KHDRBS2: variants seen among roughly 807,000 people sequenced by gnomAD.
KHDRBS2 encodes KH domain-containing, RNA-binding, signal transduction-associated protein 2.
KHDRBS2 carries 26 observed loss-of-function variants against 44.3 expected under a neutral mutation model. The ratio of observed to expected loss-of-function variants is 0.59; its 90% CI spans 0.43 to 0.81. KHDRBS2 has a LOEUF of 0.81. KHDRBS2 is among the 40% of genes least tolerant of loss of function. KHDRBS2 has a pLI of 0.00. For synonymous variants in KHDRBS2, 194 were observed against 151.1 expected (o/e 1.28, Z -2.08); for missense variants, 476 against 433.1 (o/e 1.10, Z -0.88).
At chr6:62,240,643 T>C (rs1466318673) in intron 1 of KHDRBS2, among the ~76,000 whole-genome samples, 4 of 122,082 alleles carry the variant, frequency 3.3e-5, no homozygotes, top group Non-Finnish European at 5.0e-5. Flanking sequence ...CATATATGTG[T>C]GTGTGTATGT....
intron 6 of KHDRBS2, among the ~76,000 whole-genome samples, chr6:61,775,155 G>A (rs1481163742): frequency 6.6e-6 from 1 of 152,010 alleles, no homozygotes; most frequent in African/African-American, 2.4e-5. Context: ...AATAATAAGA[G>A]CTATCTATGA....
chr6:61,894,280 A>G (rs1205770253), intron 6 of KHDRBS2, among the ~76,000 whole-genome samples: 3 of 152,164 alleles, frequency 2.0e-5, no homozygotes, highest in Non-Finnish European at 2.9e-5. Flanking sequence ...TTTGTTAAAT[A>G]TTTCTGAGTT....
chr6:62,205,121 C>A (rs1359239409), intron 1 of KHDRBS2, among the ~76,000 whole-genome samples: 2 of 152,190 alleles, frequency 1.3e-5, no homozygotes, highest in South Asian at 2.1e-4. Context: ...TAAGCCACTG[C>A]ATGGTCAGGA....
At chr6:61,876,444 T>C (rs1456980881) in intron 6 of KHDRBS2, among the ~76,000 whole-genome samples, 1 of 151,996 alleles carries the variant, frequency 6.6e-6, no homozygotes, top group Non-Finnish European at 1.5e-5. Flanking sequence ...CACAGAAGAA[T>C]TTATCATCAG....
chr6:62,066,645 A>G lies in KHDRBS2; in HGVS notation c.220-18651T>C, dbSNP rs561226554. On this transcript the variant is annotated intron_variant, in intron 2 of 8. Transcript: ENST00000281156. ...CTATATAATTTCATGAAATAAATAT[A>G]TATGCTTATGTTTGATAAGGACAAA... Among the ~76,000 whole-genome samples the G allele has an allele frequency of 4.5e-4, 69 of 151,822 alleles. 1 individual carries two copies. Among genetic ancestry groups the G allele is most frequent in the South Asian group, 1.9e-3 (9 of 4,826 alleles).
chr6:61,887,311 C>T (rs1801108499), intron 6 of KHDRBS2, among the ~76,000 whole-genome samples: 1 of 152,074 alleles, frequency 6.6e-6, no homozygotes, highest in African/African-American at 2.4e-5. Flanking sequence ...ACTGGTAGAG[C>T]TGATAATGCT....
chr6:62,232,755 G>C (rs749995635), intron 1 of KHDRBS2, among the ~76,000 whole-genome samples: 4 of 151,978 alleles, frequency 2.6e-5, no homozygotes, highest in Non-Finnish European at 5.9e-5. Context: ...TCTTCAAAGG[G>C]GTCAGTTAAG....
intron 2 of KHDRBS2, among the ~76,000 whole-genome samples, chr6:62,149,508 C>T (rs920742758): frequency 2.0e-5 from 3 of 152,096 alleles, no homozygotes; most frequent in Admixed American, 6.5e-5. Context: ...GCTTCTTTGT[C>T]CATTCCCCCA....
chr6:62,171,763 G>A (rs183335698), intron 2 of KHDRBS2, among the ~76,000 whole-genome samples: 1 of 152,212 alleles, frequency 6.6e-6, no homozygotes, highest in Admixed American at 6.5e-5. Flanking sequence ...AAGAGATTGA[G>A]GGCCTATATT....
intron 6 of KHDRBS2, among the ~76,000 whole-genome samples, chr6:61,794,778 T>C (rs1785083856): frequency 6.6e-6 from 1 of 152,096 alleles, no homozygotes; most frequent in Non-Finnish European, 1.5e-5. Flanking sequence ...TTTAACATAG[T>C]ATATCCCTCA....
At chr6:61,873,781 G>GTC (rs1379750069) in intron 6 of KHDRBS2, among the ~76,000 whole-genome samples, 1 of 151,974 alleles carries the variant, frequency 6.6e-6, no homozygotes, top group African/African-American at 2.4e-5. Context: ...CATAGTATGA[G>GTC]TCTCTTCTTT....
At chr6:61,733,366 A>C (rs1774799600) in intron 6 of KHDRBS2, among the ~76,000 whole-genome samples, 1 of 152,102 alleles carries the variant, frequency 6.6e-6, no homozygotes, top group Non-Finnish European at 1.5e-5. Flanking sequence ...CAAGGTGGGC[A>C]GATCAGCTGA....
chr6:62,272,055 TAG>T (rs1840178667), intron 1 of KHDRBS2, among the ~76,000 whole-genome samples: 2 of 152,176 alleles, frequency 1.3e-5, no homozygotes, highest in Admixed American at 6.5e-5. Flanking sequence ...ATGCCCTATA[TAG>T]GTGTACCACT....
At chr6:61,626,012 G>T in the KHDRBS2 span, among the ~76,000 whole-genome samples, 3 of 152,250 alleles carry the variant, frequency 2.0e-5, no homozygotes, top group African/African-American at 7.2e-5. Context: ...TAACAGACAT[G>T]TTCATCTATA....
intron 8 of KHDRBS2, among the ~76,000 whole-genome samples, chr6:61,684,172 A>G (rs184149001): frequency 3.3e-4 from 50 of 151,998 alleles, no homozygotes; most frequent in African/African-American, 1.1e-3. Flanking sequence ...TTGGATTGAG[A>G]TTGGAGAGTA....
chr6:61,713,388 C>T (rs1399354572), intron 7 of KHDRBS2, among the ~76,000 whole-genome samples: 1 of 151,548 alleles, frequency 6.6e-6, no homozygotes, highest in Non-Finnish European at 1.5e-5. Context: ...ATATTTTTCC[C>T]AGATAAATTT....
intron 2 of KHDRBS2, among the ~76,000 whole-genome samples, chr6:62,076,807 C>T (rs1796424688): frequency 6.6e-6 from 1 of 151,882 alleles, no homozygotes; most frequent in South Asian, 2.1e-4. Context: ...TTTGGGAGGC[C>T]ACTGAGTTGG....
intron 6 of KHDRBS2, among the ~76,000 whole-genome samples, chr6:61,829,097 A>G (rs2127260068): frequency 6.6e-6 from 1 of 152,314 alleles, no homozygotes; most frequent in African/African-American, 2.4e-5. Flanking sequence ...ACACAGATGT[A>G]CGTTTTAGTG....
Position 62,032,400 on chromosome 6 carries a change from G to A in KHDRBS2, c.336+15478C>T, listed in dbSNP as rs929594456. Among the ~76,000 whole-genome samples, 20 of 151,996 alleles carry A rather than the reference G, an allele frequency of 1.3e-4. 1 individual carries two copies. The highest frequency in any genetic ancestry group is 6.6e-4 in the Admixed American group (10 of 15,234). On this transcript the variant is annotated intron_variant, in intron 3 of 8. Coordinates refer to ENST00000281156, the MANE Select transcript of KHDRBS2 (RefSeq NM_152688.4). Reference sequence around the variant, plus strand: ...CCCATGCTGGATGCTTCCTGCCCTCGTACATTGGACTTGAAGTTCTTCAGT... The same window carrying A: ...CCCATGCTGGATGCTTCCTGCCCTCATACATTGGACTTGAAGTTCTTCAGT...
Sources: gnomAD v4.1 joint callset for allele counts (sites outside exome capture counted in the v4.1 genomes callset) on GRCh38, gnomAD v4.1.1 for gene constraint, MANE v1.5 for transcripts, NCBI Gene and HGNC (gene_info 2026-07-23, HGNC 2026-07-21) for gene names.